ALMS1: variants seen among roughly 807,000 people sequenced by gnomAD.
ALMS1 encodes the protein ALMS1 centrosome and basal body associated protein.
A neutral mutation model predicts 352.2 loss-of-function variants in ALMS1; 271 were observed. That is an observed-to-expected ratio of 0.77 (90% CI 0.70 to 0.85). ALMS1 has a LOEUF of 0.85. Ranked by LOEUF, ALMS1 falls within the 40% of genes least tolerant of loss-of-function variation. ALMS1 has a pLI of 0.00. For synonymous variants in ALMS1, 1,865 were observed against 1,761.2 expected, an observed-to-expected ratio of 1.06 and a Z score of -1.48; for missense variants, 5,445 against 4,870.7, an observed-to-expected ratio of 1.12 and a Z score of -3.51.
At chr2:73,561,243 A>G (rs76642287) in intron 15 of ALMS1, among the ~76,000 whole-genome samples, 1 of 152,238 alleles carries the variant, frequency 6.6e-6, no homozygotes, top group Non-Finnish European at 1.5e-5. Flanking sequence ...TGTACTTCTT[A>G]GATAAAACAG....
At chr2:73,595,920 C>G (rs1675537430) in intron 16 of ALMS1, among the ~76,000 whole-genome samples, 1 of 152,224 alleles carries the variant, frequency 6.6e-6, no homozygotes, top group Non-Finnish European at 1.5e-5. Context: ...ATTGGCCACT[C>G]TTACATCTTC....
chr2:73,553,590 TAATA>T (rs1674483785), intron 13 of ALMS1, among the ~76,000 whole-genome samples: 1 of 152,166 alleles, frequency 6.6e-6, no homozygotes, highest in Non-Finnish European at 1.5e-5. Context: ...CAGAAGTTTG[TAATA>T]GAAAATAAAT....
chr2:73,479,615 T>C (rs771842520), intron 9 of ALMS1, among the ~76,000 whole-genome samples: 45 of 152,200 alleles, frequency 3.0e-4, no homozygotes, highest in Non-Finnish European at 6.0e-4. Context: ...AGTTTAAATA[T>C]TCACTATTGA....
rs1404980966 is a variant in ALMS1 at position 73,449,073 on chromosome 2, G to A, written c.2546G>A (p.Gly849Glu). ...TCTGGACCAGCTGACGGAAAGACTG[G>A]GACACCAGCTGTAACCTCTACTTCC... Reference protein sequence around the residue: ...AVSGPADGKTGTPAVTSTSSA... With the variant: ...AVSGPADGKTETPAVTSTSSA... The change falls in exon 8 of 23, where the codon GGG becomes GAG. Residue 849 changes from glycine (G) to glutamate (E), a missense_variant. Physicochemically the swap from Gly to Glu is moderately conservative, Grantham distance 98 (BLOSUM62 -2). Coordinates refer to ENST00000613296, the MANE Select transcript of ALMS1 (RefSeq NM_001378454.1). 3.7e-6 allele frequency: 6 copies of A among 1,613,916 alleles called. No individual in the cohort carries two copies. The Admixed American group carries it at 8.3e-5, about 22-fold the overall frequency.
At chr2:73,493,897 TAATA>T (rs911586466) in intron 10 of ALMS1, among the ~76,000 whole-genome samples, 1 of 152,190 alleles carries the variant, frequency 6.6e-6, no homozygotes, top group African/African-American at 2.4e-5. Context: ...TATAGCAACT[TAATA>T]AACGTGAAAA....
rs73947814 is a variant in ALMS1, at chr2:73,535,078, T to G, written c.9907+129T>G. 43,129 of 1,147,330 alleles carry G rather than the reference T, an allele frequency of 0.038. 1,003 individuals are homozygous for G. The highest frequency in any genetic ancestry group is 0.054 in the Middle Eastern group (269 of 5,028). 71.1% of individuals were successfully genotyped at this position (1,147,330 alleles called of 1,614,324 possible). A position where few individuals can be genotyped will look rare whatever the true frequency, so the allele number is the denominator to read the frequency against. On this transcript the variant is annotated intron_variant, in intron 12 of 22. Transcript: ENST00000613296. Reference sequence around the variant, plus strand: ...GTGAAATATGGAACTTTTCATACCTTGATCTCTGGTTCAGATAGGTGAGTT... The same window carrying G: ...GTGAAATATGGAACTTTTCATACCTGGATCTCTGGTTCAGATAGGTGAGTT...
intron 1 of ALMS1, among the ~76,000 whole-genome samples, chr2:73,405,370 G>A (rs1670952171): frequency 6.6e-6 from 1 of 152,120 alleles, no homozygotes; most frequent in Admixed American, 6.6e-5. Flanking sequence ...ATTAGTTGGA[G>A]TACAGTTGTT....
intron 3 of ALMS1, among the ~76,000 whole-genome samples, chr2:73,420,796 A>T (rs553552383): frequency 6.6e-6 from 1 of 152,324 alleles, no homozygotes; most frequent in African/African-American, 2.4e-5. Context: ...TGGATCTCAT[A>T]GGCAGAGGAA....
intron 2 of ALMS1, among the ~76,000 whole-genome samples, chr2:73,418,771 A>G (rs1671228637): frequency 6.6e-6 from 1 of 152,214 alleles, no homozygotes; most frequent in Non-Finnish European, 1.5e-5. Context: ...CCCGGAACAC[A>G]TGTGCCATAA....
At chr2:73,486,520 C>T (rs893452791) in intron 9 of ALMS1, among the ~76,000 whole-genome samples, 1 of 152,104 alleles carries the variant, frequency 6.6e-6, no homozygotes, top group Non-Finnish European at 1.5e-5. Context: ...GTGAGAAAAG[C>T]TCTTGTTAGG....
intron 16 of ALMS1, among the ~76,000 whole-genome samples, chr2:73,575,976 A>G (rs896846930): frequency 2.0e-5 from 3 of 152,112 alleles, no homozygotes; most frequent in Admixed American, 6.5e-5. Context: ...TCTTTGATCC[A>G]TTTTGAGTTA....
chr2:73,557,090 G>A (rs1486281346), intron 13 of ALMS1, 130 bp from the exon 14 acceptor site: 1 of 1,231,052 alleles, frequency 8.1e-7, no homozygotes, highest in Admixed American at 1.7e-5. Context: ...CACAGGTGGA[G>A]CCTAAGAGGT....
chr2:73,464,677 G>GA (rs1478079885), intron 9 of ALMS1, among the ~76,000 whole-genome samples: 1 of 152,130 alleles, frequency 6.6e-6, no homozygotes, highest in Non-Finnish European at 1.5e-5. Context: ...CAGATGACAT[G>GA]ATTGTATATC....
intron 9 of ALMS1, among the ~76,000 whole-genome samples, chr2:73,488,665 TC>T (rs1672908250): frequency 6.6e-6 from 1 of 152,174 alleles, no homozygotes; most frequent in Admixed American, 6.5e-5. Flanking sequence ...CAGCAGCCAC[TC>T]CAGATGGGAT....
intron 9 of ALMS1, among the ~76,000 whole-genome samples, chr2:73,472,218 G>C (rs1009960305): frequency 1.2e-4 from 18 of 151,930 alleles, no homozygotes; most frequent in Admixed American, 1.1e-3. Context: ...TTGATGTTAG[G>C]TAGGTATCAC....
At chr2:73,463,403 C>A (rs1306651639) in intron 9 of ALMS1, among the ~76,000 whole-genome samples, 1 of 149,838 alleles carries the variant, frequency 6.7e-6, no homozygotes, top group Non-Finnish European at 1.5e-5. Context: ...TTGAAACCAA[C>A]GAGAACAAAG....
At chr2:73,407,234 C>T (rs1217572832) in intron 1 of ALMS1, among the ~76,000 whole-genome samples, 2 of 152,112 alleles carry the variant, frequency 1.3e-5, no homozygotes, top group Non-Finnish European at 1.5e-5. Context: ...AGTCCACTCT[C>T]ATGATAAGCC....
rs1671876616 is a variant in ALMS1 at position 73,449,279 on chromosome 2, T to C, written c.2752T>C (p.Ser918Pro). 6.2e-7 allele frequency: 1 copy of C among 1,614,072 alleles called. No homozygotes were observed. The highest frequency in any genetic ancestry group is 8.5e-7 in the Non-Finnish European group (1 of 1,179,984). The change falls in exon 8 of 23, where the codon TCC becomes CCC. Residue 918 changes from serine (S) to proline (P), a missense_variant. Coordinates refer to ENST00000613296, the MANE Select transcript of ALMS1 (RefSeq NM_001378454.1). ...ACACAGAGAGAAGCCCATTATTTTT[T>C]CCCAGCAGACCCTGCCAGACTTTCT... ...YSHREKPIIF[S>P]QQTLPDFLFP...
intron 2 of ALMS1, among the ~76,000 whole-genome samples, chr2:73,409,012 AC>A (rs1367139745): frequency 6.6e-6 from 1 of 151,528 alleles, no homozygotes; most frequent in African/African-American, 2.4e-5. Context: ...AGCTGGGACT[AC>A]AGACATATAC....
Sources: gnomAD v4.1 joint callset for allele counts (sites outside exome capture counted in the v4.1 genomes callset) on GRCh38, gnomAD v4.1.1 for gene constraint, MANE v1.5 for transcripts, NCBI Gene and HGNC (gene_info 2026-07-23, HGNC 2026-07-21) for gene names.